Variants in GALNTL6 observed in about 807,000 individuals in gnomAD.
GALNTL6 encodes polypeptide N-acetylgalactosaminyltransferase-like 6.
Under a neutral mutation model 73.7 loss-of-function variants are expected in GALNTL6, and 46 were observed. The observed-to-expected ratio is 0.62, with a 90% CI of 0.49 to 0.80. The LOEUF is 0.80. GALNTL6 is among the 30% of genes least tolerant of loss of function. GALNTL6 has a pLI of 0.00. For synonymous variants in GALNTL6, 259 were observed against 263.7 expected (o/e 0.98, Z 0.17); for missense variants, 604 against 755.0 (o/e 0.80, Z 2.34).
At chr4:172,412,301 C>G (rs771598056) in intron 5 of GALNTL6, among the ~76,000 whole-genome samples, 1 of 152,140 alleles carries the variant, frequency 6.6e-6, no homozygotes. Flanking sequence ...CTTGGCCTCC[C>G]AAAGTGCTGG....
At chr4:171,842,330 G>T (rs1275764375) in intron 2 of GALNTL6, among the ~76,000 whole-genome samples, 1 of 152,102 alleles carries the variant, frequency 6.6e-6, no homozygotes, top group East Asian at 1.9e-4. Flanking sequence ...TTTCTGAAAT[G>T]CAATCCCCAA....
intron 2 of GALNTL6, among the ~76,000 whole-genome samples, chr4:172,047,748 C>T (rs1205323132): frequency 2.0e-5 from 3 of 151,748 alleles, no homozygotes; most frequent in Non-Finnish European, 4.4e-5. Flanking sequence ...ATTATACTCA[C>T]GAGCTATTAT....
intron 8 of GALNTL6, among the ~76,000 whole-genome samples, chr4:172,914,144 A>T (rs555027916): frequency 6.6e-6 from 1 of 152,320 alleles, no homozygotes; most frequent in African/African-American, 2.4e-5. Flanking sequence ...TATCCAGCCA[A>T]ACTAGGCTTC....
intron 2 of GALNTL6, among the ~76,000 whole-genome samples, chr4:171,930,069 T>C (rs1578982038): frequency 6.6e-6 from 1 of 152,188 alleles, no homozygotes; most frequent in African/African-American, 2.4e-5. Context: ...TGAACATGCC[T>C]AACAGCCAAT....
intron 5 of GALNTL6, among the ~76,000 whole-genome samples, chr4:172,353,548 A>G (rs1742039126): frequency 6.6e-6 from 1 of 152,008 alleles, no homozygotes; most frequent in African/African-American, 2.4e-5. Context: ...CTTTCTTGTG[A>G]ACTCATTTTA....
intron 2 of GALNTL6, among the ~76,000 whole-genome samples, chr4:171,841,080 T>G (rs1735227863): frequency 3.3e-5 from 5 of 152,208 alleles, no homozygotes. Context: ...ACAAAACCTT[T>G]TAGAAGATTC....
chr4:171,885,593 C>G (rs895289479), intron 2 of GALNTL6, among the ~76,000 whole-genome samples: 1 of 152,062 alleles, frequency 6.6e-6, no homozygotes, highest in Non-Finnish European at 1.5e-5. Context: ...ATTGCTTGAG[C>G]CTTGGAGTTT....
At chr4:172,160,623 A>C (rs1734426627) in intron 2 of GALNTL6, among the ~76,000 whole-genome samples, 1 of 152,098 alleles carries the variant, frequency 6.6e-6, no homozygotes, top group South Asian at 2.1e-4. Flanking sequence ...GAGAATGGAA[A>C]AGAAAATGGG....
chr4:171,876,456 C>T (rs555944369), intron 2 of GALNTL6, among the ~76,000 whole-genome samples: 2 of 152,258 alleles, frequency 1.3e-5, no homozygotes, highest in African/African-American at 4.8e-5. Context: ...CTTTATGACT[C>T]ATTTTGGCAT....
chr4:172,178,020 T>A (rs1245696200), intron 2 of GALNTL6, among the ~76,000 whole-genome samples: 1 of 151,820 alleles, frequency 6.6e-6, no homozygotes, highest in East Asian at 2.0e-4. Flanking sequence ...GAGGCTGATT[T>A]TTTAAAAAAT....
chr4:172,089,235 GA>G (rs772494461), intron 2 of GALNTL6, among the ~76,000 whole-genome samples: 11 of 150,358 alleles, frequency 7.3e-5, no homozygotes, highest in East Asian at 1.9e-4. Flanking sequence ...TATGGAAACA[GA>G]AAAAAAAAGA....
chr4:172,840,548 A>C (rs1743152956), intron 7 of GALNTL6, among the ~76,000 whole-genome samples: 1 of 152,190 alleles, frequency 6.6e-6, no homozygotes, highest in Non-Finnish European at 1.5e-5. Flanking sequence ...GTTGACTCAC[A>C]CACCAACATT....
chr4:172,674,061 C>T (rs1162273881), intron 5 of GALNTL6, among the ~76,000 whole-genome samples: 1 of 152,160 alleles, frequency 6.6e-6, no homozygotes, highest in Non-Finnish European at 1.5e-5. Context: ...TATAGTATCA[C>T]TGGTCTGAGT....
intron 3 of GALNTL6, among the ~76,000 whole-genome samples, chr4:172,241,706 G>A (rs1435942592): frequency 6.6e-6 from 1 of 152,108 alleles, no homozygotes; most frequent in East Asian, 1.9e-4. Context: ...TAAGAGTTAT[G>A]CTTTTATCCA....
chr4:172,476,922 CTTTTTTTTTT>C (rs149479550), intron 5 of GALNTL6, among the ~76,000 whole-genome samples: 5 of 113,348 alleles, frequency 4.4e-5, no homozygotes, highest in Non-Finnish European at 5.4e-5. Flanking sequence ...GCTTAAGAGA[CTTTTTTTTTT>C]TTTTTTTTTT....
At chr4:172,814,333 C>T (rs1741479867) in intron 7 of GALNTL6, among the ~76,000 whole-genome samples, 1 of 152,126 alleles carries the variant, frequency 6.6e-6, no homozygotes, top group Non-Finnish European at 1.5e-5. Flanking sequence ...TGATTAATTT[C>T]TACCAAACGA....
intron 5 of GALNTL6, among the ~76,000 whole-genome samples, chr4:172,731,668 G>A (rs1378982439): frequency 6.6e-6 from 1 of 151,710 alleles, no homozygotes; most frequent in African/African-American, 2.4e-5. Context: ...CTACTTTTTT[G>A]ATATAAGCAT....
intron 5 of GALNTL6, among the ~76,000 whole-genome samples, chr4:172,752,407 C>A (rs1268549110): frequency 6.6e-6 from 1 of 152,040 alleles, no homozygotes; most frequent in East Asian, 1.9e-4. Flanking sequence ...AAGCAATATA[C>A]ATCCAATTTT....
At chr4:171,875,043 C>T (rs1316810413) in intron 2 of GALNTL6, among the ~76,000 whole-genome samples, 2 of 152,106 alleles carry the variant, frequency 1.3e-5, no homozygotes, top group Admixed American at 1.3e-4. Flanking sequence ...AATAGCTTTA[C>T]ATAGAACAGT....
Sources: gnomAD v4.1 joint callset for allele counts (sites outside exome capture counted in the v4.1 genomes callset) on GRCh38, gnomAD v4.1.1 for gene constraint, MANE v1.5 for transcripts, NCBI Gene and HGNC (gene_info 2026-07-23, HGNC 2026-07-21) for gene names.